Variants in NPAS3 observed in about 807,000 individuals in gnomAD.
NPAS3 encodes the protein neuronal PAS domain protein 3.
In NPAS3, 14 loss-of-function variants were observed where a neutral mutation model predicts 73.1. The observed-to-expected ratio is 0.19, with a 90% CI of 0.13 to 0.30. The LOEUF (loss-of-function observed/expected upper bound fraction) is 0.30, where lower values mean the gene tolerates loss of function less well. NPAS3 is among the 10% of genes least tolerant of loss of function. NPAS3 has a pLI of 1.00. For missense variants in NPAS3, 1,096 were observed against 1,250.0 expected (o/e 0.88, Z 1.86); for synonymous variants, 620 against 541.5 (o/e 1.14, Z -2.01).
At chr14:33,105,823 G>T (rs1001659901) in intron 2 of NPAS3, among the ~76,000 whole-genome samples, 2 of 152,114 alleles carry the variant, frequency 1.3e-5, no homozygotes, top group African/African-American at 4.8e-5. Flanking sequence ...AAAATGTCTG[G>T]TAATGGCATG....
At chr14:33,254,714 C>T (rs1459804864) in intron 3 of NPAS3, among the ~76,000 whole-genome samples, 1 of 151,996 alleles carries the variant, frequency 6.6e-6, no homozygotes, top group Non-Finnish European at 1.5e-5. Context: ...GCTAAGCAAA[C>T]ATTGGGGAAA....
At chr14:32,956,313 A>T (rs559137233) in intron 1 of NPAS3, among the ~76,000 whole-genome samples, 1 of 152,258 alleles carries the variant, frequency 6.6e-6, no homozygotes, top group South Asian at 2.1e-4. Flanking sequence ...TTTTCTAGGG[A>T]TTTCTCCTCT....
chr14:33,736,122 G>C (rs1446587263), intron 7 of NPAS3, among the ~76,000 whole-genome samples: 2 of 152,196 alleles, frequency 1.3e-5, no homozygotes, highest in Non-Finnish European at 2.9e-5. Context: ...AACGGAAATG[G>C]CATGTGCCAT....
intron 4 of NPAS3, among the ~76,000 whole-genome samples, chr14:33,540,912 C>T (rs1021003891): frequency 6.6e-6 from 1 of 152,100 alleles, no homozygotes; most frequent in South Asian, 2.1e-4. Context: ...GGGATTATCT[C>T]CTGACACCTC....
intron 7 of NPAS3, among the ~76,000 whole-genome samples, chr14:33,758,455 C>T (rs2062183241): frequency 6.6e-6 from 1 of 152,196 alleles, no homozygotes; most frequent in African/African-American, 2.4e-5. Context: ...ATGTGTGCAA[C>T]TCCTGGACAA....
intron 3 of NPAS3, among the ~76,000 whole-genome samples, chr14:33,235,151 A>G (rs2047986303): frequency 6.6e-6 from 1 of 152,130 alleles, no homozygotes; most frequent in Non-Finnish European, 1.5e-5. Flanking sequence ...TATTTGATGA[A>G]CGAATTCCTC....
At chr14:33,275,390 G>T (rs1456512352) in intron 3 of NPAS3, among the ~76,000 whole-genome samples, 1 of 152,146 alleles carries the variant, frequency 6.6e-6, no homozygotes, top group Non-Finnish European at 1.5e-5. Flanking sequence ...TACTTAAAAT[G>T]CATGGCAACA....
At chr14:33,742,448 A>C (rs1401668235) in intron 7 of NPAS3, among the ~76,000 whole-genome samples, 9 of 152,246 alleles carry the variant, frequency 5.9e-5, no homozygotes, top group Admixed American at 5.9e-4. Flanking sequence ...TTTATACTGT[A>C]GTCTATTAAG....
At chr14:33,561,307 A>G (rs537650310) in intron 5 of NPAS3, among the ~76,000 whole-genome samples, 1 of 152,308 alleles carries the variant, frequency 6.6e-6, no homozygotes, top group East Asian at 1.9e-4. Flanking sequence ...CAAGAAAGAC[A>G]TTGGAAAATA....
chr14:33,573,482 CTAACTCTACCTGGAGAAG>C (rs2056311237), intron 5 of NPAS3, among the ~76,000 whole-genome samples: 1 of 152,182 alleles, frequency 6.6e-6, no homozygotes, highest in Non-Finnish European at 1.5e-5. Context: ...ATGTGGATGA[CTAACTCTACCTGGAGAAG>C]TTTGCAAAGA....
intron 1 of NPAS3, among the ~76,000 whole-genome samples, chr14:32,944,909 A>G (rs183147648): frequency 6.6e-6 from 1 of 152,298 alleles, no homozygotes; most frequent in Non-Finnish European, 1.5e-5. Context: ...TTATGTTACT[A>G]TGGCCCACAG....
chr14:33,560,665 G>T (rs930657057), intron 5 of NPAS3, among the ~76,000 whole-genome samples: 2 of 152,136 alleles, frequency 1.3e-5, no homozygotes, highest in African/African-American at 4.8e-5. Flanking sequence ...TGCAGGGAGG[G>T]TTCCAGCAAG....
intron 2 of NPAS3, among the ~76,000 whole-genome samples, chr14:33,207,785 C>A (rs530378316): frequency 1.2e-3 from 180 of 152,230 alleles, no homozygotes; most frequent in Non-Finnish European, 2.0e-3. Flanking sequence ...AGAGCAGAGC[C>A]ACAAAAGCAA....
intron 4 of NPAS3, among the ~76,000 whole-genome samples, chr14:33,401,221 C>A (rs2047432265): frequency 6.6e-6 from 1 of 152,110 alleles, no homozygotes; most frequent in Non-Finnish European, 1.5e-5. Flanking sequence ...GTATTTCCAT[C>A]TTCAGGCATT....
intron 2 of NPAS3, among the ~76,000 whole-genome samples, chr14:33,133,629 G>A (rs2043722962): frequency 6.6e-6 from 1 of 152,194 alleles, no homozygotes; most frequent in African/African-American, 2.4e-5. Context: ...GTAAGAAAGG[G>A]CATTTATACC....
chr14:33,196,438 C>G (rs944782266), intron 2 of NPAS3, among the ~76,000 whole-genome samples: 2 of 152,178 alleles, frequency 1.3e-5, no homozygotes, highest in Non-Finnish European at 2.9e-5. Flanking sequence ...TTTCAACAGG[C>G]CATCTCTCTC....
In NPAS3 at chr14:33,800,044, C is replaced by T. The variant is rs550094950; in HGVS notation, c.1737C>T (p.Ser579=). 3.1e-6 allele frequency: 5 copies of T among 1,608,530 alleles called. No homozygotes were observed. The highest frequency in any genetic ancestry group is 1.7e-5 in the Admixed American group (1 of 59,812). Residue 579 remains serine (S), a synonymous_variant, in exon 12 of 12, where the codon AGC becomes AGT. Coordinates refer to ENST00000356141, the Ensembl canonical transcript of NPAS3. The surrounding 1 kb of genome is among the most constrained non-coding windows in gnomAD (Gnocchi z 6.5). Reference sequence around the variant, plus strand: ...ACTGCGAGTCACTCACGTCCGACAGCGCCAAGGACTCGGACAGCGCAGGCG... The same window carrying T: ...ACTGCGAGTCACTCACGTCCGACAGTGCCAAGGACTCGGACAGCGCAGGCG...
At chr14:33,155,512 T>A (rs936847069) in intron 2 of NPAS3, among the ~76,000 whole-genome samples, 1 of 152,188 alleles carries the variant, frequency 6.6e-6, no homozygotes, top group East Asian at 1.9e-4. Flanking sequence ...TGCCTCAGTT[T>A]CCTGAGTAGT....
chr14:33,126,730 T>C (rs114274817), intron 2 of NPAS3, among the ~76,000 whole-genome samples: 3,406 of 152,026 alleles, frequency 0.022, 53 homozygotes, highest in Middle Eastern at 0.041. Flanking sequence ...ACTTGGTAGG[T>C]TCCTCTGTCA....
Sources: gnomAD v4.1 joint callset for allele counts (sites outside exome capture counted in the v4.1 genomes callset) on GRCh38, gnomAD v4.1.1 for gene constraint, Gnocchi (gnomAD v3.1) non-coding constraint, MANE v1.5 for transcripts, NCBI Gene and HGNC (gene_info 2026-07-23, HGNC 2026-07-21) for gene names.